Variants in ZBTB40 observed in about 807,000 individuals in gnomAD.
ZBTB40 encodes the protein zinc finger and BTB domain-containing protein 40.
ZBTB40 carries 60 observed loss-of-function variants against 117.5 expected under a neutral mutation model. That is an observed-to-expected ratio of 0.51 (90% CI 0.41 to 0.63). The LOEUF is 0.63. Among genes scored for constraint, ZBTB40 ranks in the 30% least tolerant of loss-of-function variants. ZBTB40 has a pLI of 0.00. For synonymous variants in ZBTB40, 525 were observed against 577.1 expected (o/e 0.91, Z 1.29); for missense variants, 1,287 against 1,498.5 (o/e 0.86, Z 2.33).
chr1:22,453,310 A>G (rs1266222066), intron 1 of ZBTB40, among the ~76,000 whole-genome samples: 2 of 152,210 alleles, frequency 1.3e-5, no homozygotes, highest in Admixed American at 6.5e-5. Context: ...TGGTTTAACA[A>G]ATGGTTTCAG....
chr1:22,507,097 A>G (rs1360343678), intron 6 of ZBTB40, among the ~76,000 whole-genome samples: 1 of 152,180 alleles, frequency 6.6e-6, no homozygotes, highest in Non-Finnish European at 1.5e-5. Flanking sequence ...TTCAGAGCGG[A>G]TGTAGCATAA....
chr1:22,486,080 G>A (rs1638458406), intron 1 of ZBTB40, among the ~76,000 whole-genome samples: 1 of 152,112 alleles, frequency 6.6e-6, no homozygotes. Flanking sequence ...TCTCCAAACT[G>A]TTTTTGGGTT....
At chr1:22,464,162 T>C (rs1395645508) in intron 1 of ZBTB40, among the ~76,000 whole-genome samples, 1 of 152,236 alleles carries the variant, frequency 6.6e-6, no homozygotes, top group Non-Finnish European at 1.5e-5. Context: ...ACTATTACTA[T>C]CTGCATTTTG....
intron 1 of ZBTB40, among the ~76,000 whole-genome samples, chr1:22,487,621 C>G (rs1638505565): frequency 6.6e-6 from 1 of 151,986 alleles, no homozygotes; most frequent in African/African-American, 2.4e-5. Context: ...TTTTTTGGCT[C>G]TCTCCTATTA....
At chr1:22,441,462 T>C (rs1357022336) in intron 1 of ZBTB40, among the ~76,000 whole-genome samples, 1 of 147,998 alleles carries the variant, frequency 6.8e-6, no homozygotes, top group East Asian at 2.0e-4. Context: ...TCAGTCTTTA[T>C]TATTTGCTTT....
chr1:22,451,603 C>A (rs562184155), upstream of ZBTB40, among the ~76,000 whole-genome samples: 2 of 151,942 alleles, frequency 1.3e-5, 1 homozygote, highest in South Asian at 4.2e-4. Flanking sequence ...CGAGATCGCG[C>A]CGCTACACTC....
At chr1:22,503,609 A>ACG (rs1639002962) in intron 5 of ZBTB40, among the ~76,000 whole-genome samples, 1 of 131,812 alleles carries the variant, frequency 7.6e-6, no homozygotes, top group African/African-American at 2.7e-5. Context: ...ACATGTGCGC[A>ACG]CGCACACACA....
intron 1 of ZBTB40, among the ~76,000 whole-genome samples, chr1:22,461,229 G>A (rs1641124725): frequency 6.6e-6 from 1 of 152,056 alleles, no homozygotes; most frequent in Non-Finnish European, 1.5e-5. Context: ...TTGGTACTCT[G>A]CTGTCAGTTC....
At chr1:22,520,323 T>A in intron 14 of ZBTB40, 48 bp downstream of exon 14, 2 of 1,504,414 alleles carry the variant, frequency 1.3e-6, no homozygotes, top group Middle Eastern at 2.0e-4. Flanking sequence ...CCTGACCTAC[T>A]CTCCATTTGA....
At chr1:22,465,997 A>AC (rs1641245596) in intron 1 of ZBTB40, among the ~76,000 whole-genome samples, 2 of 152,076 alleles carry the variant, frequency 1.3e-5, no homozygotes, top group African/African-American at 4.8e-5. Context: ...ATCACTCTGA[A>AC]ACCCCCCCTG....
rs749644772 is a variant in ZBTB40 at position 22,490,612 on chromosome 1, T to A, written c.664T>A (p.Phe222Ile). ...TTCCCCCTCCCCTGCTGTGCAAACC[T>A]TTAGTGAGGCAAAGAAGACAAGCAC... ...ACSPSPAVQTFSEAKKTSTEP... is the reference protein window; with the variant it reads ...ACSPSPAVQTISEAKKTSTEP... Residue 222 changes from phenylalanine (F) to isoleucine (I), a missense_variant, in exon 2 of 18, where the codon TTT becomes ATT. By Grantham distance (21) the Phe-to-Ile change is conservative. This residue lies in a region of ZBTB40 where 870 missense variants were observed against 934.4 expected (regional missense o/e 0.93). Coordinates refer to ENST00000375647, the MANE Select transcript of ZBTB40 (RefSeq NM_014870.4). The A allele has an allele frequency of 2.9e-5, 46 of 1,613,914 alleles. No individual in the cohort carries two copies. The African/African-American group carries it at 5.9e-4, about 21-fold the overall frequency.
At chr1:22,440,284 C>A (rs1335557036) in intron 1 of ZBTB40, among the ~76,000 whole-genome samples, 1 of 152,142 alleles carries the variant, frequency 6.6e-6, no homozygotes, top group Non-Finnish European at 1.5e-5. Context: ...AATTTTACTT[C>A]TTCCTTTCCA....
chr1:22,526,603 T>C lies in ZBTB40; in HGVS notation c.*207T>C. The stretch of plus-strand genomic sequence containing the variant: ...TGAGCCCTCAACACCAACAGCACCA[T>C]CCTCTGTAGCAGACAGGCCTCCCTC... On this transcript the variant is annotated 3_prime_UTR_variant, in exon 18 of 18. Transcript: ENST00000375647. 1.6e-6 allele frequency: 1 copy of C among 623,454 alleles called. No individual in the cohort carries two copies. The highest frequency in any genetic ancestry group is 2.8e-6 in the Non-Finnish European group (1 of 351,558). The allele number at this position is 623,454 out of a possible 1,614,324, so 38.6% of individuals were successfully genotyped here.
rs1430031689 is a variant in ZBTB40 at position 22,501,519 on chromosome 1, G to A, written c.859G>A (p.Gly287Arg). Residue 287 changes from glycine (G) to arginine (R), a missense_variant, in exon 4 of 18, where the codon GGA becomes AGA. Gly to Arg is a moderately radical substitution (Grantham distance 125). Coordinates refer to ENST00000375647, the MANE Select transcript of ZBTB40 (RefSeq NM_014870.4). ...GATAGTGAAATGTTTCGAGGGTGAA[G>A]GAGGACATTCAGCATTCCAGAGAAT... is the stretch of plus-strand genomic sequence containing the variant. ...EMIVKCFEGE[G>R]GHSAFQRILG... 4 of 1,614,148 alleles carry A rather than the reference G, an allele frequency of 2.5e-6. No homozygotes were observed. The South Asian group carries it at 4.4e-5, about 18-fold the overall frequency.
chr1:22,460,314 G>A (rs1641102217), intron 1 of ZBTB40, among the ~76,000 whole-genome samples: 2 of 152,078 alleles, frequency 1.3e-5, no homozygotes, highest in South Asian at 4.1e-4. Context: ...GATTCACTGG[G>A]TCATAGTACT....
intron 1 of ZBTB40, among the ~76,000 whole-genome samples, chr1:22,474,436 C>T (rs947169756): frequency 2.0e-5 from 3 of 152,176 alleles, no homozygotes; most frequent in African/African-American, 7.2e-5. Flanking sequence ...AAATCTGGGC[C>T]TACTAAAAGC....
At chr1:22,448,234 C>T (rs1193566865), upstream of ZBTB40, among the ~76,000 whole-genome samples, 2 of 152,154 alleles carry the variant, frequency 1.3e-5, no homozygotes, top group Non-Finnish European at 2.9e-5. Context: ...TTATGTCAAT[C>T]GATCTATCTC....
intron 13 of ZBTB40, among the ~76,000 whole-genome samples, chr1:22,518,309 C>T (rs1639429275): frequency 6.6e-6 from 1 of 152,182 alleles, no homozygotes; most frequent in African/African-American, 2.4e-5. Flanking sequence ...CATTCTAAGC[C>T]TCTTATGCCC....
intron 13 of ZBTB40, 92 bp from the exon 14 acceptor site, chr1:22,519,969 T>C: frequency 8.9e-7 from 1 of 1,118,802 alleles, no homozygotes; most frequent in Non-Finnish European, 1.4e-6. Context: ...CATTTGTTGC[T>C]GTACACAACA....
Sources: gnomAD v4.1 joint callset for allele counts (sites outside exome capture counted in the v4.1 genomes callset) on GRCh38, gnomAD v4.1.1 for gene constraint, gnomAD v4.1.1 regional missense constraint, MANE v1.5 for transcripts, NCBI Gene and HGNC (gene_info 2026-07-23, HGNC 2026-07-21) for gene names.